Variants in PRKG1 observed in about 807,000 individuals in gnomAD.
PRKG1 encodes protein kinase cGMP-dependent 1.
In PRKG1, 35 loss-of-function variants were observed where a neutral mutation model predicts 88.1. That is an observed-to-expected ratio of 0.40 (90% CI 0.30 to 0.53). PRKG1 has a LOEUF of 0.53. Ranked by LOEUF, PRKG1 falls within the 20% of genes least tolerant of loss-of-function variation. PRKG1 has a pLI of 0.59. For missense variants in PRKG1, 540 were observed against 839.8 expected (o/e 0.64, Z 4.41); for synonymous variants, 303 against 292.5 (o/e 1.04, Z -0.37).
chr10:51,459,936 G>A (rs942800905), intron 2 of PRKG1, among the ~76,000 whole-genome samples: 3 of 152,118 alleles, frequency 2.0e-5, no homozygotes, highest in African/African-American at 7.2e-5. Context: ...ACATTTGGTG[G>A]AAGTTAATAT....
chr10:51,334,179 T>TCC (rs1841813947), intron 2 of PRKG1, among the ~76,000 whole-genome samples: 1 of 127,224 alleles, frequency 7.9e-6, no homozygotes, highest in South Asian at 2.7e-4. Context: ...TCTCTCTCTC[T>TCC]CTCTCTCTCT....
chr10:51,407,377 C>G (rs1209633766), intron 2 of PRKG1, among the ~76,000 whole-genome samples: 1 of 152,100 alleles, frequency 6.6e-6, no homozygotes, highest in Non-Finnish European at 1.5e-5. Context: ...AACCCAAATG[C>G]TATTACATAA....
chr10:51,255,946 G>A (rs79165126), intron 2 of PRKG1, among the ~76,000 whole-genome samples: 3,132 of 152,100 alleles, frequency 0.021, 43 homozygotes, highest in Middle Eastern at 0.044. Flanking sequence ...GGGAAATAAG[G>A]GCCCAGAGAA....
chr10:51,167,593 T>C (rs1846583741), intron 2 of PRKG1, among the ~76,000 whole-genome samples: 2 of 152,160 alleles, frequency 1.3e-5, no homozygotes, highest in Non-Finnish European at 2.9e-5. Flanking sequence ...GGGATACCAC[T>C]TGGGAAGCCA....
chr10:51,194,384 C>A (rs958759189), intron 2 of PRKG1, among the ~76,000 whole-genome samples: 1 of 152,004 alleles, frequency 6.6e-6, no homozygotes, highest in African/African-American at 2.4e-5. Context: ...GCTATCCCTT[C>A]CCTAGCACCC....
intron 2 of PRKG1, among the ~76,000 whole-genome samples, chr10:51,406,714 G>A (rs1837930464): frequency 6.6e-6 from 1 of 150,382 alleles, no homozygotes; most frequent in South Asian, 2.1e-4. Flanking sequence ...TGAATTCTCT[G>A]CTTATACTTA....
At chr10:51,447,931 T>C (rs1360739887) in intron 2 of PRKG1, among the ~76,000 whole-genome samples, 2 of 152,072 alleles carry the variant, frequency 1.3e-5, no homozygotes, top group Non-Finnish European at 2.9e-5. Flanking sequence ...CATTAATATG[T>C]ATATGTAATC....
chr10:51,302,148 G>A (rs1472042566), intron 2 of PRKG1, among the ~76,000 whole-genome samples: 1 of 152,304 alleles, frequency 6.6e-6, no homozygotes, highest in African/African-American at 2.4e-5. Context: ...TCCGCCATTA[G>A]CACATTGAGG....
intron 9 of PRKG1, among the ~76,000 whole-genome samples, chr10:52,215,372 C>G (rs529752403): frequency 7.2e-6 from 1 of 139,848 alleles, no homozygotes; most frequent in Non-Finnish European, 1.5e-5. Context: ...CCAGCCTGGG[C>G]GACAAGAGCA....
intron 3 of PRKG1, among the ~76,000 whole-genome samples, chr10:51,471,026 G>T (rs1369461087): frequency 6.6e-6 from 1 of 151,876 alleles, no homozygotes; most frequent in Non-Finnish European, 1.5e-5. Context: ...GTATGATTCA[G>T]ATCTATATTC....
chr10:51,817,812 T>C (rs997466249), intron 4 of PRKG1, among the ~76,000 whole-genome samples: 3 of 152,216 alleles, frequency 2.0e-5, no homozygotes, highest in Admixed American at 6.5e-5. Flanking sequence ...TGAATATTAT[T>C]CTAAATGACA....
chr10:51,698,624 T>A (rs985681909), intron 3 of PRKG1: 2 of 1,613,842 alleles, frequency 1.2e-6, no homozygotes, highest in Non-Finnish European at 8.5e-7. Flanking sequence ...AGCTCTAGGA[T>A]CTGACATCTG....
chr10:51,131,829 G>T (rs1205176509), intron 1 of PRKG1, among the ~76,000 whole-genome samples: 3 of 152,000 alleles, frequency 2.0e-5, no homozygotes, highest in East Asian at 1.9e-4. Context: ...CGTTATGCAG[G>T]CTTCTTACAA....
intron 5 of PRKG1, among the ~76,000 whole-genome samples, chr10:52,002,266 G>A (rs1844618883): frequency 6.6e-6 from 1 of 151,956 alleles, no homozygotes; most frequent in Non-Finnish European, 1.5e-5. Context: ...TTATTATTAG[G>A]CACATTTCTG....
At chr10:51,756,848 T>C (rs1359821428) in intron 3 of PRKG1, among the ~76,000 whole-genome samples, 1 of 151,332 alleles carries the variant, frequency 6.6e-6, no homozygotes, top group Non-Finnish European at 1.5e-5. Flanking sequence ...AAATAATAAT[T>C]AAAAAATAAA....
rs186379825 is a variant in PRKG1 at position 51,110,345 on chromosome 10, C to A, written c.311+35444C>A. Among the ~76,000 whole-genome samples, 8 of 152,252 alleles carry A rather than the reference C, an allele frequency of 5.3e-5. No individual in the cohort carries two copies. The East Asian group carries it at 1.5e-3, about 29-fold the overall frequency. The stretch of plus-strand genomic sequence containing the variant: ...GGATAAAGAAACTGTGATATATGCA[C>A]ACATGAAATACTACTCAATAATAAA... On this transcript the variant is annotated intron_variant, in intron 1 of 17. Coordinates refer to ENST00000373980, the MANE Select transcript of PRKG1 (RefSeq NM_006258.4).
At chr10:51,966,137 C>T (rs1018855949) in intron 5 of PRKG1, among the ~76,000 whole-genome samples, 13 of 152,078 alleles carry the variant, frequency 8.5e-5, no homozygotes, top group Non-Finnish European at 1.8e-4. Flanking sequence ...ATGACAGAAA[C>T]ATAAATCGTT....
At chr10:52,159,065 A>G (rs867994952) in intron 8 of PRKG1, among the ~76,000 whole-genome samples, 48 of 151,686 alleles carry the variant, frequency 3.2e-4, no homozygotes, top group African/African-American at 1.0e-3. Flanking sequence ...AAAAATTAAA[A>G]GTAAAAGGAA....
chr10:51,007,537 C>G (rs1842953351), intron 1 of PRKG1, among the ~76,000 whole-genome samples: 2 of 152,182 alleles, frequency 1.3e-5, no homozygotes, highest in South Asian at 4.1e-4. Flanking sequence ...TAAGCACACA[C>G]AGCTGTAGAA....
Sources: allele counts gnomAD v4.1 joint callset (sites outside exome capture counted in the v4.1 genomes callset), GRCh38; gene constraint gnomAD v4.1.1; transcripts MANE v1.5; gene names NCBI Gene and HGNC (gene_info 2026-07-23, HGNC 2026-07-21).